VTI1A: variants seen among roughly 807,000 people sequenced by gnomAD.
VTI1A encodes vesicle transport through interaction with t-SNAREs homolog 1A.
Under a neutral mutation model 34.9 loss-of-function variants are expected in VTI1A, and 22 were observed. The ratio of observed to expected loss-of-function variants is 0.63; its 90% CI spans 0.45 to 0.90. The LOEUF (loss-of-function observed/expected upper bound fraction) is 0.90. VTI1A is among the 40% of genes least tolerant of loss of function. The pLI is 0.00. For synonymous variants in VTI1A, 87 were observed against 97.3 expected (o/e 0.89, Z 0.62); for missense variants, 268 against 275.6 (o/e 0.97, Z 0.20).
intron 7 of VTI1A, among the ~76,000 whole-genome samples, chr10:112,709,022 T>TA (rs1849303371): frequency 6.6e-6 from 1 of 152,222 alleles, no homozygotes; most frequent in Non-Finnish European, 1.5e-5. Flanking sequence ...CTCCAGCGTC[T>TA]ATTGTCAATT....
intron 7 of VTI1A, among the ~76,000 whole-genome samples, chr10:112,721,465 A>G (rs1199639530): frequency 6.6e-6 from 1 of 152,220 alleles, no homozygotes; most frequent in Admixed American, 6.5e-5. Context: ...GTTACAAAGC[A>G]TTTGACTTAC....
intron 5 of VTI1A, among the ~76,000 whole-genome samples, chr10:112,579,270 G>A (rs75564917): frequency 6.6e-6 from 1 of 152,176 alleles, no homozygotes; most frequent in Non-Finnish European, 1.5e-5. Context: ...TCCATTTTGT[G>A]TATGCACAAG....
At chr10:112,473,346 G>A (rs368243121) in intron 3 of VTI1A, among the ~76,000 whole-genome samples, 17 of 152,028 alleles carry the variant, frequency 1.1e-4, no homozygotes, top group African/African-American at 3.9e-4. Flanking sequence ...TCTTGACCTC[G>A]TGATCCACCC....
At chr10:112,632,049 C>T (rs986806769) in intron 5 of VTI1A, among the ~76,000 whole-genome samples, 2 of 152,064 alleles carry the variant, frequency 1.3e-5, no homozygotes, top group Non-Finnish European at 2.9e-5. Context: ...CTTGGCCAGC[C>T]ATGGTTATGT....
chr10:112,499,119 AG>A (rs1399020730), intron 3 of VTI1A, among the ~76,000 whole-genome samples: 1 of 152,176 alleles, frequency 6.6e-6, no homozygotes, highest in East Asian at 1.9e-4. Context: ...GCATTTAATA[AG>A]TATATATAAG....
At chr10:112,505,548 A>G (rs1849399281) in intron 3 of VTI1A, among the ~76,000 whole-genome samples, 1 of 151,786 alleles carries the variant, frequency 6.6e-6, no homozygotes, top group African/African-American at 2.4e-5. Context: ...TGGTCACTTT[A>G]TTGTCTTTTT....
chr10:112,781,566 A>T (rs1815240), intron 7 of VTI1A, among the ~76,000 whole-genome samples: 11 of 151,904 alleles, frequency 7.2e-5, no homozygotes, highest in South Asian at 2.1e-4. Context: ...CCTGGCCAGG[A>T]GCGGTGGCTC....
At chr10:112,812,845 C>A (rs1853365400) in intron 7 of VTI1A, among the ~76,000 whole-genome samples, 1 of 152,216 alleles carries the variant, frequency 6.6e-6, no homozygotes, top group South Asian at 2.1e-4. Context: ...GCTGAGAAGG[C>A]GTGATGGTAG....
chr10:112,787,280 TC>T (rs1852316199), intron 7 of VTI1A, among the ~76,000 whole-genome samples: 1 of 152,220 alleles, frequency 6.6e-6, no homozygotes. Context: ...ATTTGTATCT[TC>T]TTCCCTTTTT....
intron 5 of VTI1A, among the ~76,000 whole-genome samples, chr10:112,571,478 C>CA (rs1388220805): frequency 2.0e-5 from 3 of 152,018 alleles, no homozygotes; most frequent in Non-Finnish European, 4.4e-5. Context: ...GTTAAAAAGT[C>CA]AAAAAATAAC....
chr10:112,629,186 A>G (rs10885362), intron 5 of VTI1A, among the ~76,000 whole-genome samples: 47,738 of 152,198 alleles, frequency 0.31, 8,238 homozygotes, highest in Non-Finnish European at 0.39. Flanking sequence ...CGCTGTCATC[A>G]TGGCTGCAGG....
At chr10:112,580,220 A>G (rs1843871282) in intron 5 of VTI1A, among the ~76,000 whole-genome samples, 2 of 152,178 alleles carry the variant, frequency 1.3e-5, no homozygotes, top group South Asian at 4.1e-4. Flanking sequence ...AACCTCAGAA[A>G]GGAGAAACAC....
At chr10:112,504,988 A>T (rs972223071) in intron 3 of VTI1A, among the ~76,000 whole-genome samples, 3 of 151,376 alleles carry the variant, frequency 2.0e-5, no homozygotes, top group Non-Finnish European at 4.4e-5. Context: ...GTTAAGTTCT[A>T]TTATTTTTTT....
At chr10:112,830,849 A>ATATATATATATATATATATTTTTTT in the VTI1A span, among the ~76,000 whole-genome samples, 29 of 33,486 alleles carry the variant, frequency 8.7e-4, no homozygotes, top group South Asian at 1.6e-3. Context: ...ATATATATAT[A>ATATATATATATATATATATTTTTTT]TTTTTTTTTT....
At chr10:112,844,843 G>C in the VTI1A span, among the ~76,000 whole-genome samples, 1 of 152,198 alleles carries the variant, frequency 6.6e-6, no homozygotes, top group African/African-American at 2.4e-5. Flanking sequence ...GCTTTGAGTT[G>C]TTGTTTTTAA....
In VTI1A at chr10:112,460,586, T is replaced by G. The variant is rs770970673; in HGVS notation, c.153+4T>G. 20 of 1,599,212 alleles carry G rather than the reference T, an allele frequency of 1.3e-5. No homozygotes were observed. The African/African-American group carries it at 2.0e-4, about 16-fold the overall frequency. On this transcript the variant is annotated splice_donor_region_variant and intron_variant, in intron 2 of 7. Coordinates refer to ENST00000393077, the MANE Select transcript of VTI1A (RefSeq NM_145206.4). ...GCTTGAAGAAGCGAAAGAACTGGTA[T>G]GTACAGACAGTAATGTATTTTAACA...
At chr10:112,810,220 C>T (rs547490319) in intron 7 of VTI1A, among the ~76,000 whole-genome samples, 3 of 151,702 alleles carry the variant, frequency 2.0e-5, no homozygotes, top group South Asian at 4.2e-4. Context: ...TTGGCCAACA[C>T]GGTGAAACCC....
chr10:112,723,563 C>A (rs556986958), intron 7 of VTI1A, among the ~76,000 whole-genome samples: 1 of 152,306 alleles, frequency 6.6e-6, no homozygotes, highest in East Asian at 1.9e-4. Context: ...GGCAGGCTGA[C>A]CTCCTGAATC....
chr10:112,822,515 G>A (rs1853671965), downstream of VTI1A, among the ~76,000 whole-genome samples: 1 of 152,188 alleles, frequency 6.6e-6, no homozygotes, highest in South Asian at 2.1e-4. Context: ...CCGCTGTGGT[G>A]TACAATTTGG....
Sources: allele counts gnomAD v4.1 joint callset (sites outside exome capture counted in the v4.1 genomes callset), GRCh38; gene constraint gnomAD v4.1.1; transcripts MANE v1.5; gene names NCBI Gene and HGNC (gene_info 2026-07-23, HGNC 2026-07-21).